SNX13: variants seen among roughly 807,000 people sequenced by gnomAD.
The protein encoded by SNX13 is sorting nexin 13.
A neutral mutation model predicts 133.6 loss-of-function variants in SNX13; 45 were observed. The observed-to-expected ratio is 0.34, with a 90% CI of 0.27 to 0.43. SNX13 has a LOEUF of 0.43. Among genes scored for constraint, SNX13 ranks in the 20% least tolerant of loss-of-function variants. SNX13 has a pLI of 1.00. For synonymous variants in SNX13, 414 were observed against 373.9 expected (o/e 1.11, Z -1.24); for missense variants, 1,032 against 1,145.1 (o/e 0.90, Z 1.43).
At chr7:17,879,150 A>G (rs540871981) in intron 5 of SNX13, among the ~76,000 whole-genome samples, 2 of 152,186 alleles carry the variant, frequency 1.3e-5, no homozygotes, top group South Asian at 2.1e-4. Context: ...CTGTTAGAAC[A>G]TTAATCTCAG....
At chr7:17,922,279 A>T (rs1423917618) in intron 1 of SNX13, among the ~76,000 whole-genome samples, 1 of 152,196 alleles carries the variant, frequency 6.6e-6, no homozygotes, top group Non-Finnish European at 1.5e-5. Flanking sequence ...GACACTGCAG[A>T]ATTTAAAGCT....
intron 20 of SNX13, among the ~76,000 whole-genome samples, chr7:17,803,798 C>T (rs1784890091): frequency 6.6e-6 from 1 of 150,842 alleles, no homozygotes; most frequent in African/African-American, 2.4e-5. Flanking sequence ...ATAATTGCAG[C>T]ACTTCGGCAG....
intron 13 of SNX13, among the ~76,000 whole-genome samples, chr7:17,839,240 T>C (rs1789573304): frequency 6.7e-6 from 1 of 149,796 alleles, no homozygotes; most frequent in South Asian, 2.1e-4. Flanking sequence ...AATTATAGTA[T>C]AGTATATATA....
In SNX13 at chr7:17,893,958, C is replaced by T. The variant is rs1269934035; in HGVS notation, c.126-524G>A. Among the ~76,000 whole-genome samples the T allele has an allele frequency of 2.4e-5, 3 of 127,016 alleles. No homozygotes were observed. The Admixed American group carries it at 2.5e-4, about 11-fold the overall frequency. 83.3% of individuals were successfully genotyped at this position (127,016 alleles called of 152,430 possible). ...CTGCACTTGAGCCTGGGTGACAGAT[C>T]AAGACTGTCTCGAAAAAAAAAAAAA... On this transcript the variant is annotated intron_variant, in intron 2 of 25. Coordinates refer to ENST00000428135, the MANE Select transcript of SNX13 (RefSeq NM_015132.5).
chr7:17,804,836 T>C (rs1785006815), intron 20 of SNX13, among the ~76,000 whole-genome samples: 1 of 152,174 alleles, frequency 6.6e-6, no homozygotes, highest in Non-Finnish European at 1.5e-5. Context: ...AAACTGAATC[T>C]CACTGCTTAG....
intron 22 of SNX13, 89 bp from the exon 23 acceptor site, chr7:17,799,243 T>G (rs1784375942): frequency 1.8e-6 from 2 of 1,110,956 alleles, no homozygotes; most frequent in Non-Finnish European, 2.5e-6. Flanking sequence ...TGATTGATAT[T>G]TCACAAGTCA....
intron 1 of SNX13, among the ~76,000 whole-genome samples, chr7:17,920,946 C>T (rs1583789253): frequency 6.6e-6 from 1 of 152,278 alleles, no homozygotes; most frequent in South Asian, 2.1e-4. Context: ...TCATTTGGTG[C>T]AGCAGCGTGT....
At chr7:17,937,109 T>C (rs1302532642) in intron 1 of SNX13, among the ~76,000 whole-genome samples, 2 of 150,672 alleles carry the variant, frequency 1.3e-5, no homozygotes, top group African/African-American at 2.4e-5. Flanking sequence ...TAAATATGAC[T>C]AGCAAGTTTT....
At chr7:17,832,199 C>T (rs1452387147) in intron 15 of SNX13, 10 of 984,204 alleles carry the variant, frequency 1.0e-5, no homozygotes, top group East Asian at 2.3e-4. Context: ...TAATGTACTT[C>T]GTGTTTTAAA....
chr7:17,864,506 A>G (rs535210092), intron 9 of SNX13, among the ~76,000 whole-genome samples: 32 of 152,142 alleles, frequency 2.1e-4, no homozygotes, highest in Non-Finnish European at 4.3e-4. Flanking sequence ...TACCCACAAG[A>G]TCTAGAAAAC....
chr7:17,939,873 G>A lies in SNX13; in HGVS notation c.12+411C>T, dbSNP rs566044051. Among the ~76,000 whole-genome samples, 8 of 152,292 alleles carry A rather than the reference G, an allele frequency of 5.3e-5. No individual in the cohort carries two copies. The East Asian group carries it at 1.4e-3, about 26-fold the overall frequency. ...GTGCTGACCGAGCTCGGAGGCGGAGGGCCCTGGAGCCCAGGGACCAGAGAA... is the reference window on the plus strand; with the variant it reads ...GTGCTGACCGAGCTCGGAGGCGGAGAGCCCTGGAGCCCAGGGACCAGAGAA... On this transcript the variant is annotated intron_variant, in intron 1 of 25. Transcript: ENST00000428135.
At chr7:17,921,324 C>T (rs748229441) in intron 1 of SNX13, among the ~76,000 whole-genome samples, 2 of 152,122 alleles carry the variant, frequency 1.3e-5, no homozygotes, top group African/African-American at 2.4e-5. Flanking sequence ...ATTCAGTTAT[C>T]GATTCTCTCC....
intron 1 of SNX13, among the ~76,000 whole-genome samples, chr7:17,898,664 G>T (rs1253431495): frequency 6.6e-6 from 1 of 152,076 alleles, no homozygotes; most frequent in African/African-American, 2.4e-5. Context: ...ATCACACGGG[G>T]ATAAGTGCTA....
At chr7:17,828,761 C>T (rs996141522) in intron 16 of SNX13, among the ~76,000 whole-genome samples, 4 of 151,212 alleles carry the variant, frequency 2.6e-5, no homozygotes, top group African/African-American at 9.7e-5. Flanking sequence ...ACAAAAGAGA[C>T]TTATCTTATT....
At chr7:17,917,526 A>G (rs1383420865) in intron 1 of SNX13, among the ~76,000 whole-genome samples, 1 of 152,128 alleles carries the variant, frequency 6.6e-6, no homozygotes, top group Non-Finnish European at 1.5e-5. Context: ...AAACCAAATC[A>G]AGAACACAAT....
intron 5 of SNX13, chr7:17,888,508 TAAG>T: frequency 4.3e-6 from 1 of 232,846 alleles, no homozygotes; most frequent in Non-Finnish European, 8.8e-6. Flanking sequence ...ATACCAAACT[TAAG>T]AACAATTTGA....
intron 13 of SNX13, 113 bp downstream of exon 13, chr7:17,839,694 T>C (rs1789638267): frequency 2.6e-6 from 2 of 773,464 alleles, no homozygotes; most frequent in Non-Finnish European, 3.9e-6. Context: ...AAGATTGTTA[T>C]CGATTAAAGG....
chr7:17,871,775 T>C (rs544494514), intron 8 of SNX13, among the ~76,000 whole-genome samples: 1 of 152,326 alleles, frequency 6.6e-6, no homozygotes, highest in African/African-American at 2.4e-5. Flanking sequence ...TTTCCCCTAC[T>C]GCAACAGTTG....
At chr7:17,916,688 A>T (rs958710884) in intron 1 of SNX13, among the ~76,000 whole-genome samples, 9 of 152,072 alleles carry the variant, frequency 5.9e-5, no homozygotes, top group Admixed American at 1.3e-4. Flanking sequence ...ACCAAAAAAA[A>T]AAACCCTGGA....
Sources: allele counts gnomAD v4.1 joint callset (sites outside exome capture counted in the v4.1 genomes callset), GRCh38; gene constraint gnomAD v4.1.1; transcripts MANE v1.5; gene names NCBI Gene and HGNC (gene_info 2026-07-23, HGNC 2026-07-21).